PRKRA: variants seen among roughly 807,000 people sequenced by gnomAD.
PRKRA encodes the protein interferon-inducible double-stranded RNA-dependent protein kinase activator A.
A neutral mutation model predicts 32.4 loss-of-function variants in PRKRA; 22 were observed. That is an observed-to-expected ratio of 0.68 (90% CI 0.49 to 0.97). The LOEUF (loss-of-function observed/expected upper bound fraction) is 0.97. PRKRA is among the 50% of genes least tolerant of loss of function. The probability of loss-of-function intolerance (pLI) is 0.00; values close to 1 mark genes in which losing one functional copy is unlikely to be tolerated. For synonymous variants in PRKRA, 139 were observed against 129.8 expected (o/e 1.07, Z -0.48); for missense variants, 319 against 375.6 (o/e 0.85, Z 1.25).
chr2:178,432,951 T>TA (rs1466921457), intron 7 of PRKRA, among the ~76,000 whole-genome samples: 3 of 152,220 alleles, frequency 2.0e-5, no homozygotes, highest in African/African-American at 7.2e-5. Context: ...GAGCCACTCT[T>TA]ACTAAAGATG....
chr2:178,433,222 T>C (rs73034401), intron 7 of PRKRA, among the ~76,000 whole-genome samples: 8,313 of 152,282 alleles, frequency 0.055, 700 homozygotes, highest in African/African-American at 0.18. Flanking sequence ...TAATATTTCA[T>C]TGGAAGGACA....
rs1233606092 is a variant in PRKRA, at chr2:178,443,396, A to G, written c.397-12T>C. The stretch of plus-strand genomic sequence containing the variant: ...TGAATAGCCAATTCCTATAAAATCA[A>G]GATGAGGCTTTAATAGTAATTTTAT... On this transcript the variant is annotated splice_polypyrimidine_tract_variant and intron_variant, in intron 4 of 7. Coordinates refer to ENST00000325748, the MANE Select transcript of PRKRA (RefSeq NM_003690.5). The G allele has an allele frequency of 1.4e-6, 1 of 736,358 alleles. No individual in the cohort carries two copies. Among genetic ancestry groups the G allele is most frequent in the Admixed American group, 3.9e-5 (1 of 25,682 alleles). The allele number at this position is 736,358 out of a possible 1,614,324, so 45.6% of individuals were successfully genotyped here.
intron 7 of PRKRA, among the ~76,000 whole-genome samples, 198 bp downstream of exon 7, chr2:178,435,947 G>A (rs1235998145): frequency 6.6e-6 from 1 of 152,144 alleles, no homozygotes; most frequent in African/African-American, 2.4e-5. Context: ...CTGTATAGAT[G>A]TTAGCTATTA....
intron 5 of PRKRA, among the ~76,000 whole-genome samples, 177 bp downstream of exon 5, chr2:178,443,090 A>G (rs1246478121): frequency 6.6e-6 from 1 of 152,230 alleles, no homozygotes; most frequent in African/African-American, 2.4e-5. Context: ...TAAGAAGACT[A>G]AGTATCTTAA....
In PRKRA at chr2:178,436,129, GA is replaced by G. The variant is rs200581051; in HGVS notation, c.784+15del. The G allele has an allele frequency of 2.7e-4, 223 of 815,962 alleles. 1 individual carries two copies. The highest frequency in any genetic ancestry group is 1.8e-3 in the Middle Eastern group (6 of 3,376). The allele number at this position is 815,962 out of a possible 1,614,324, so 50.5% of individuals were successfully genotyped here. On this transcript the variant is annotated intron_variant, in intron 7 of 7. Coordinates refer to ENST00000325748, the MANE Select transcript of PRKRA (RefSeq NM_003690.5). ...ATAAACATGTCTTGGGAAAGCCAAAGAAAAAAAAATCATACCTATATCCAAA... is the reference window on the plus strand; with the variant it reads ...ATAAACATGTCTTGGGAAAGCCAAAGAAAAAAAATCATACCTATATCCAAA...
intron 5 of PRKRA, 34 bp from the exon 6 acceptor site, chr2:178,441,738 A>G: frequency 2.7e-6 from 2 of 743,622 alleles, no homozygotes; most frequent in Non-Finnish European, 3.9e-6. Context: ...AGATTTAGAA[A>G]AGAAATTAGT....
rs1280022313 is a variant in PRKRA, at chr2:178,431,745, T to G, written c.*352A>C. The G allele has an allele frequency of 3.1e-6, 1 of 318,974 alleles. No homozygotes were observed. The highest frequency in any genetic ancestry group is 6.0e-6 in the Non-Finnish European group (1 of 167,438). 19.8% of individuals were successfully genotyped at this position (318,974 alleles called of 1,614,324 possible). ...CCTTTGAATTCCCTTTATAAAGCTT[T>G]GTGCAAAGAAGAGCTTAAGCACCAG... On this transcript the variant is annotated 3_prime_UTR_variant, in exon 8 of 8. Coordinates refer to ENST00000325748, the MANE Select transcript of PRKRA (RefSeq NM_003690.5).
At chr2:178,444,674 T>G (rs1697250627) in intron 3 of PRKRA, among the ~76,000 whole-genome samples, 174 bp from the exon 4 acceptor site, 1 of 152,198 alleles carries the variant, frequency 6.6e-6, no homozygotes, top group Non-Finnish European at 1.5e-5. Flanking sequence ...CCAAGATATA[T>G]CTCAAATGTC....
chr2:178,444,578 T>C lies in PRKRA; in HGVS notation c.318-78A>G, dbSNP rs1575096501. 1.1e-5 allele frequency: 13 copies of C among 1,137,080 alleles called. No homozygotes were observed. In the East Asian group the frequency reaches 2.9e-4, roughly 26 times the overall value. 70.4% of individuals were successfully genotyped at this position (1,137,080 alleles called of 1,614,324 possible). On this transcript the variant is annotated intron_variant, in intron 3 of 7. Transcript: ENST00000325748. ...AAATAAATGACAAGCATTTTCTAATTAACTCTCTATGTCTTTGCTCTTGTC... is the reference window on the plus strand; with the variant it reads ...AAATAAATGACAAGCATTTTCTAATCAACTCTCTATGTCTTTGCTCTTGTC...
At chr2:178,435,161 G>A (rs1696835162) in intron 7 of PRKRA, among the ~76,000 whole-genome samples, 1 of 151,610 alleles carries the variant, frequency 6.6e-6, no homozygotes, top group Non-Finnish European at 1.5e-5. Flanking sequence ...AGGTTACAGT[G>A]AGCTGAGATC....
chr2:178,442,792 T>C (rs1697166372), intron 5 of PRKRA, among the ~76,000 whole-genome samples: 1 of 152,256 alleles, frequency 6.6e-6, no homozygotes, highest in South Asian at 2.1e-4. Context: ...ATAGTTTATA[T>C]CCTTTATAAC....
At position 178,440,872 on chromosome 2, in the gene PRKRA, A is replaced by T. The variant is rs183793618; in HGVS notation, c.609+738T>A. ...TTGTACTACCCTTGGGATAAAGTTC[A>T]CTTTCCTTATATAGGGGTCCCTTTA... On this transcript the variant is annotated intron_variant, in intron 6 of 7. Coordinates refer to ENST00000325748, the MANE Select transcript of PRKRA (RefSeq NM_003690.5). Among the ~76,000 whole-genome samples, 154 of 152,302 alleles carry T rather than the reference A, an allele frequency of 1.0e-3. 1 individual carries two copies. The highest frequency in any genetic ancestry group is 4.4e-3 in the Admixed American group (68 of 15,288).
Position 178,436,128 on chromosome 2 carries a change from A to C in PRKRA, c.784+17T>G. ...AATAAACATGTCTTGGGAAAGCCAA[A>C]GAAAAAAAAATCATACCTATATCCA... On this transcript the variant is annotated intron_variant, in intron 7 of 7. Transcript: ENST00000325748. 1 of 1,594,060 alleles carries C rather than the reference A, an allele frequency of 6.3e-7. No individual in the cohort carries two copies. The highest frequency in any genetic ancestry group is 8.6e-7 in the Non-Finnish European group (1 of 1,164,068).
chr2:178,450,819 G>A, intron 1 of PRKRA, 147 bp downstream of exon 1: 1 of 1,342,978 alleles, frequency 7.4e-7, no homozygotes, highest in South Asian at 1.9e-5. Context: ...TCGCCGCCGA[G>A]AGGGCGGGGC....
At chr2:178,439,862 ATAGTCT>A (rs551349299) in intron 6 of PRKRA, 2 of 152,276 alleles carry the variant, frequency 1.3e-5, no homozygotes, top group South Asian at 2.1e-4. Flanking sequence ...TAACCTTGAA[ATAGTCT>A]TAGTTAAATA....
chr2:178,436,197 C>G lies in PRKRA; in HGVS notation c.732G>C (p.Leu244=), dbSNP rs373322166. 3 of 1,612,506 alleles carry G rather than the reference C, an allele frequency of 1.9e-6. No homozygotes were observed. Among genetic ancestry groups the G allele is most frequent in the Non-Finnish European group, 2.5e-6 (3 of 1,178,726 alleles). Residue 244 remains leucine, a synonymous_variant, in exon 7 of 8, where the codon CTG becomes CTC. Coordinates refer to ENST00000325748, the MANE Select transcript of PRKRA (RefSeq NM_003690.5). ...CTTGTTCCTTGGCAATTTCACTAAG[C>G]AGCTGGATGTAATCTGTATTTGGAA... ...LSIPNTDYIQ[L]LSEIAKEQGF... is the part of the protein sequence containing the mutation.
Position 178,451,080 on chromosome 2 carries a change from G to A in PRKRA, c.-50C>T, listed in dbSNP as rs750140633. 2 of 1,530,064 alleles carry A rather than the reference G, an allele frequency of 1.3e-6. No homozygotes were observed. The highest frequency in any genetic ancestry group is 1.4e-5 in the African/African-American group (1 of 70,458). The allele number at this position is 1,530,064 out of a possible 1,614,324, so 94.8% of individuals were successfully genotyped here. On this transcript the variant is annotated 5_prime_UTR_variant, in exon 1 of 8. In the 5' UTR this introduces an upstream ATG that the reference lacks. Transcript: ENST00000325748. ...TGGAGGAAGAGCGGTGCGGAGCGAC[G>A]TGCTCGCTCCCCGGGTCGCTGGTCC...
intron 3 of PRKRA, among the ~76,000 whole-genome samples, chr2:178,446,751 T>C (rs1194407540): frequency 6.6e-6 from 1 of 152,086 alleles, no homozygotes; most frequent in Non-Finnish European, 1.5e-5. Flanking sequence ...CCCAGCACTT[T>C]GGGAGGCCGA....
At chr2:178,443,741 C>T (rs540735802) in intron 4 of PRKRA, 1 of 237,214 alleles carries the variant, frequency 4.2e-6, no homozygotes, top group African/African-American at 2.3e-5. Context: ...TCCCTCCCCT[C>T]CTAGCTATAG....
Sources: allele counts gnomAD v4.1 joint callset (sites outside exome capture counted in the v4.1 genomes callset), GRCh38; gene constraint gnomAD v4.1.1; transcripts MANE v1.5; gene names NCBI Gene and HGNC (gene_info 2026-07-23, HGNC 2026-07-21).